The following CNBD1 variants were observed in gnomAD, a reference collection of about 807,000 sequenced individuals.
CNBD1 encodes cyclic nucleotide binding domain containing 1.
A neutral mutation model predicts 54.4 loss-of-function variants in CNBD1; 71 were observed. The ratio of observed to expected loss-of-function variants is 1.30; its 90% CI spans 1.08 to 1.59. The LOEUF (loss-of-function observed/expected upper bound fraction) is 1.59. Ranked by LOEUF, CNBD1 falls within the 40% of genes most tolerant of loss-of-function variation. CNBD1 has a pLI of 0.00. For missense variants in CNBD1, 659 were observed against 518.0 expected, an observed-to-expected ratio of 1.27 and a Z score of -2.64; for synonymous variants, 182 against 170.7, an observed-to-expected ratio of 1.07 and a Z score of -0.51.
chr8:87,353,777 G>A lies in CNBD1; in HGVS notation c.1294G>A (p.Asp432Asn), dbSNP rs906110946. Residue 432 changes from aspartate to asparagine, a missense_variant, in exon 10 of 11, where the codon GAC (aspartate) becomes AAC (asparagine). By Grantham distance (23) the Asp-to-Asn change is conservative. Coordinates refer to ENST00000518476, the MANE Select transcript of CNBD1 (RefSeq NM_173538.3). ...TGAGATGGCAATCATTGAAGATAAG[G>A]ACCTATTTGGTAAATGCATAAATAT... Reference protein sequence around the residue: ...EVEMAIIEDKDLFVA With the variant: ...EVEMAIIEDKNLFVA The A allele has an allele frequency of 5.0e-6, 8 of 1,600,298 alleles. No homozygotes were observed. The highest frequency in any genetic ancestry group is 4.5e-5 in the East Asian group (2 of 44,622).
At chr8:87,120,140 T>C (rs1242355515) in intron 4 of CNBD1, among the ~76,000 whole-genome samples, 2 of 152,092 alleles carry the variant, frequency 1.3e-5, no homozygotes, top group African/African-American at 4.8e-5. Flanking sequence ...TTAAAATAGT[T>C]TCAGGAGAAT....
At chr8:87,055,515 G>A (rs940976290) in intron 4 of CNBD1, among the ~76,000 whole-genome samples, 5 of 151,834 alleles carry the variant, frequency 3.3e-5, no homozygotes, top group Non-Finnish European at 5.9e-5. Flanking sequence ...TTTCCTGGGA[G>A]CCCACTAATT....
At chr8:87,238,208 A>G (rs1463966097) in intron 6 of CNBD1, among the ~76,000 whole-genome samples, 1 of 152,106 alleles carries the variant, frequency 6.6e-6, no homozygotes, top group East Asian at 1.9e-4. Context: ...TCAATTTCCT[A>G]TCTTGGCCAG....
At chr8:87,188,906 T>C (rs1813540888) in intron 4 of CNBD1, among the ~76,000 whole-genome samples, 2 of 151,658 alleles carry the variant, frequency 1.3e-5, no homozygotes, top group Admixed American at 6.6e-5. Flanking sequence ...CATGTAGTTA[T>C]TGTAAACTTT....
At chr8:87,368,771 C>T (rs1810697335) in intron 10 of CNBD1, among the ~76,000 whole-genome samples, 1 of 151,988 alleles carries the variant, frequency 6.6e-6, no homozygotes, top group South Asian at 2.1e-4. Context: ...TGTGCTTAGA[C>T]AAAATTATGA....
chr8:86,950,277 C>A (rs1807584771), intron 4 of CNBD1, among the ~76,000 whole-genome samples: 1 of 151,912 alleles, frequency 6.6e-6, no homozygotes, highest in East Asian at 1.9e-4. Flanking sequence ...CACCATTTGG[C>A]CAGGCTGGTC....
rs190032623 is a variant in CNBD1, at chr8:87,400,639, A to G, written c.214-27907A>G. Among the ~76,000 whole-genome samples, 21 of 152,096 alleles carry G rather than the reference A, an allele frequency of 1.4e-4. No homozygotes were observed. The East Asian group carries it at 4.1e-3, about 29-fold the overall frequency. On this transcript the variant is annotated intron_variant, in intron 2 of 7. Transcript: ENST00000521593. ...ATCCCTGTCATTGCTATCCAAATTG[A>G]CTACAAGATTGATAATTTGACTTTT...
intron 8 of CNBD1, among the ~76,000 whole-genome samples, chr8:87,333,962 C>T (rs781687070): frequency 2.5e-4 from 38 of 152,140 alleles, no homozygotes; most frequent in Non-Finnish European, 4.3e-4. Flanking sequence ...CCTCTTTTTA[C>T]CTCTGGTTGA....
At chr8:87,318,168 A>C (rs1563549807) in intron 8 of CNBD1, among the ~76,000 whole-genome samples, 1 of 140,640 alleles carries the variant, frequency 7.1e-6, no homozygotes, top group African/African-American at 2.6e-5. Context: ...TGATTCTAAT[A>C]TCTCTCTTAT....
intron 4 of CNBD1, among the ~76,000 whole-genome samples, chr8:87,151,785 A>G (rs992931308): frequency 2.0e-5 from 3 of 152,148 alleles, no homozygotes; most frequent in Admixed American, 1.3e-4. Flanking sequence ...GTATTATAAC[A>G]TACTAGTATT....
At chr8:86,916,454 A>T (rs1344594882) in intron 3 of CNBD1, among the ~76,000 whole-genome samples, 1 of 152,020 alleles carries the variant, frequency 6.6e-6, no homozygotes, top group Non-Finnish European at 1.5e-5. Context: ...TTGGGAGGTG[A>T]GCATGCACAG....
Position 87,351,814 on chromosome 8 carries a change from T to G in CNBD1, c.1152+20T>G. The G allele has an allele frequency of 6.9e-7, 1 of 1,445,608 alleles. No individual in the cohort carries two copies. The highest frequency in any genetic ancestry group is 2.8e-5 in the East Asian group (1 of 35,934). 89.5% of individuals were successfully genotyped at this position (1,445,608 alleles called of 1,614,324 possible). On this transcript the variant is annotated intron_variant, in intron 9 of 10. Coordinates refer to ENST00000518476, the MANE Select transcript of CNBD1 (RefSeq NM_173538.3). ...AAAGTGGTAAGTTTTCAACATGTAT[T>G]CTTTTTAATCAATTAATCTACTCTA...
intron 5 of CNBD1, among the ~76,000 whole-genome samples, chr8:87,215,149 G>A (rs1814182404): frequency 1.3e-5 from 2 of 152,072 alleles, no homozygotes; most frequent in Admixed American, 1.3e-4. Flanking sequence ...ATTTTGGGGT[G>A]AAAAAAGTGA....
chr8:87,281,595 T>C (rs1223749953), intron 6 of CNBD1, among the ~76,000 whole-genome samples: 1 of 84,228 alleles, frequency 1.2e-5, no homozygotes, highest in East Asian at 3.8e-4. Context: ...TATATATATA[T>C]ATATATAACT....
chr8:87,029,657 G>A (rs931828510), intron 4 of CNBD1, among the ~76,000 whole-genome samples: 5 of 152,114 alleles, frequency 3.3e-5, no homozygotes, highest in Non-Finnish European at 5.9e-5. Flanking sequence ...TATGAGAGAC[G>A]AGAGGAGGAG....
chr8:87,208,497 G>A (rs896655721), intron 5 of CNBD1, among the ~76,000 whole-genome samples: 9 of 151,700 alleles, frequency 5.9e-5, no homozygotes, highest in African/African-American at 1.5e-4. Context: ...ACATGTGTAC[G>A]TAGATATAAT....
chr8:87,263,991 T>A (rs911180121), intron 6 of CNBD1, among the ~76,000 whole-genome samples: 1 of 152,088 alleles, frequency 6.6e-6, no homozygotes, highest in Non-Finnish European at 1.5e-5. Context: ...TATTAAAAAG[T>A]ATTTTATTTT....
In CNBD1 at chr8:87,166,204, A is replaced by C. The variant is rs1254151862; in HGVS notation, c.432-39789A>C. 7.9e-5 allele frequency among the ~76,000 whole-genome samples: 12 copies of C among 151,946 alleles called. No individual in the cohort carries two copies. The highest frequency in any genetic ancestry group is 6.6e-4 in the Admixed American group (10 of 15,214). On this transcript the variant is annotated intron_variant, in intron 4 of 10. Transcript: ENST00000518476. This position sits in a 1 kb window ranked among gnomAD's most constrained non-coding sequence, Gnocchi z 4.3. ...GGAATTATCCAGATGAGTAAGTGACAAACCTAAGCATCATACTTGATGCTC... is the reference window on the plus strand; with the variant it reads ...GGAATTATCCAGATGAGTAAGTGACCAACCTAAGCATCATACTTGATGCTC...
chr8:87,197,557 C>G (rs191617829), intron 4 of CNBD1, among the ~76,000 whole-genome samples: 21 of 152,188 alleles, frequency 1.4e-4, no homozygotes, highest in African/African-American at 4.6e-4. Flanking sequence ...ATGGGTGTTT[C>G]TAGCACTTCT....
Sources: gnomAD v4.1 joint callset for allele counts (sites outside exome capture counted in the v4.1 genomes callset) on GRCh38, gnomAD v4.1.1 for gene constraint, Gnocchi (gnomAD v3.1) non-coding constraint, MANE v1.5 for transcripts, NCBI Gene and HGNC (gene_info 2026-07-23, HGNC 2026-07-21) for gene names.